The following C6 variants were observed in gnomAD, a reference collection of about 807,000 sequenced individuals.
The protein encoded by C6 is complement C6.
C6 carries 101 observed loss-of-function variants against 112.9 expected under a neutral mutation model. The ratio of observed to expected loss-of-function variants is 0.89; its 90% CI spans 0.76 to 1.06. The LOEUF (loss-of-function observed/expected upper bound fraction) is 1.06, where lower values mean the gene tolerates loss of function less well. Among genes scored for constraint, C6 ranks in the 50% least tolerant of loss-of-function variants. The probability of loss-of-function intolerance (pLI) is 0.00; values close to 1 mark genes in which losing one functional copy is unlikely to be tolerated. For synonymous variants in C6, 431 were observed against 384.1 expected (o/e 1.12, Z -1.43); for missense variants, 1,202 against 1,104.6 (o/e 1.09, Z -1.25).
rs1746314502 is a variant in C6 at position 41,150,787 on chromosome 5, T to C, written c.2291-762A>G. ...CTGTAGTCCCAGCTACTCAGGAGGC[T>C]GAGGCAAAAGAGTCACTTGAACCCG... is the stretch of plus-strand genomic sequence containing the variant. On this transcript the variant is annotated intron_variant, in intron 15 of 17. Transcript: ENST00000337836. Among the ~76,000 whole-genome samples, 4 of 151,536 alleles carry C rather than the reference T, an allele frequency of 2.6e-5. No homozygotes were observed. The South Asian group carries it at 8.3e-4, about 32-fold the overall frequency.
At chr5:41,199,233 T>G (rs1750828074) in intron 4 of C6, among the ~76,000 whole-genome samples, 1 of 152,218 alleles carries the variant, frequency 6.6e-6, no homozygotes, top group African/African-American at 2.4e-5. Flanking sequence ...TTCATTCATC[T>G]GAAATTTAAT....
chr5:41,177,477 G>C (rs1748950573), intron 7 of C6, among the ~76,000 whole-genome samples: 1 of 151,938 alleles, frequency 6.6e-6, no homozygotes, highest in Non-Finnish European at 1.5e-5. Context: ...AGGTTTATAA[G>C]TGTATTTATG....
intron 1 of C6, among the ~76,000 whole-genome samples, chr5:41,210,459 A>G (rs1480709928): frequency 6.6e-6 from 1 of 152,220 alleles, no homozygotes; most frequent in Admixed American, 6.5e-5. Flanking sequence ...AATTTTTGCA[A>G]TCTACCCATC....
chr5:41,251,145 T>C (rs1410596148), intron 1 of C6, among the ~76,000 whole-genome samples: 1 of 152,184 alleles, frequency 6.6e-6, no homozygotes, highest in Non-Finnish European at 1.5e-5. Flanking sequence ...TACATATTAT[T>C]CTCCTGCCTC....
intron 9 of C6, among the ~76,000 whole-genome samples, chr5:41,164,566 C>T (rs1015328561): frequency 1.3e-5 from 2 of 152,130 alleles, no homozygotes; most frequent in Admixed American, 6.6e-5. Flanking sequence ...CAATTGCATT[C>T]CCTAGAAACA....
chr5:41,224,980 T>C, intron 1 of C6, among the ~76,000 whole-genome samples: 1 of 152,212 alleles, frequency 6.6e-6, no homozygotes, highest in East Asian at 1.9e-4. Context: ...GTATCCTTGA[T>C]GGCTAATCAT....
intron 1 of C6, among the ~76,000 whole-genome samples, chr5:41,241,059 G>T (rs1580246938): frequency 6.6e-6 from 1 of 152,184 alleles, no homozygotes; most frequent in Non-Finnish European, 1.5e-5. Flanking sequence ...GCCAGGCCAG[G>T]TGTGCCTGTC....
At chr5:41,177,957 G>A (rs1748990380) in intron 7 of C6, among the ~76,000 whole-genome samples, 1 of 152,130 alleles carries the variant, frequency 6.6e-6, no homozygotes, top group Admixed American at 6.6e-5. Flanking sequence ...TTAATAAGAA[G>A]CACACTCACT....
At position 41,181,504 on chromosome 5, in the gene C6, A is replaced by T. The variant is rs1477456575; in HGVS notation, c.782T>A (p.Leu261His). 4.3e-6 allele frequency: 7 copies of T among 1,613,798 alleles called. No individual in the cohort carries two copies. Among genetic ancestry groups the T allele is most frequent in the Non-Finnish European group, 5.9e-6 (7 of 1,179,832 alleles). Reference sequence around the variant, plus strand: ...GCCTTGTTGATTTTCATTGTGTCCAAGAGAAGTTAAATCCTTGTAGAAATC... The same window carrying T: ...GCCTTGTTGATTTTCATTGTGTCCATGAGAAGTTAAATCCTTGTAGAAATC... ...KTDFYKDLTS[L>H]GHNENQQGSF... is the part of the protein sequence containing the mutation. The change falls in exon 7 of 18, where the codon CTT becomes CAT. Residue 261 changes from leucine (L) to histidine (H), a missense_variant. By Grantham distance (99) the Leu-to-His change is moderately conservative (BLOSUM62 -3). Coordinates refer to ENST00000337836, the MANE Select transcript of C6 (RefSeq NM_000065.5).
At chr5:41,190,390 T>A (rs1459888472) in intron 5 of C6, among the ~76,000 whole-genome samples, 1 of 152,206 alleles carries the variant, frequency 6.6e-6, no homozygotes, top group East Asian at 1.9e-4. Context: ...AATATATTTG[T>A]TGGGCTCCTT....
At position 41,172,327 on chromosome 5, in the gene C6, T is replaced by C. The variant is rs6896011; in HGVS notation, c.1189A>G (p.Lys397Glu). 2,556 of 1,613,672 alleles carry C rather than the reference T, an allele frequency of 1.6e-3. 27 individuals are homozygous for C. In the African/African-American group the frequency reaches 0.028, roughly 18 times the overall value. ...KNSGLTEEEA[K>E]HCVRIETKKR... Reference sequence around the variant, plus strand: ...TTTGTTTCAATCCTGACACAGTGTTTGGCTTCTTCCTCGGTTAAACCTAGG... The same window carrying C: ...TTTGTTTCAATCCTGACACAGTGTTCGGCTTCTTCCTCGGTTAAACCTAGG... Residue 397 changes from lysine to glutamate, a missense_variant, in exon 9 of 18, where the codon AAA becomes GAA. Transcript: ENST00000337836.
rs115928467 is a variant in C6 at position 41,227,003 on chromosome 5, C to A, written c.-20-23753G>T. On this transcript the variant is annotated intron_variant, in intron 1 of 17. Transcript: ENST00000263413. ...AGAGAATGCTGGATCATATGGATTT[C>A]TATTTTTAATCCTTTGAAGAACCTC... Among the ~76,000 whole-genome samples the A allele has an allele frequency of 3.4e-3, 514 of 152,160 alleles. 2 individuals carry two copies. The highest frequency in any genetic ancestry group is 0.012 in the African/African-American group (504 of 41,538).
intron 1 of C6, among the ~76,000 whole-genome samples, chr5:41,206,803 C>A (rs1751474225): frequency 1.3e-5 from 2 of 152,198 alleles, no homozygotes; most frequent in African/African-American, 4.8e-5. Flanking sequence ...AAACACTCTG[C>A]AGGATATTAT....
At chr5:41,208,595 C>T (rs1304726808) in intron 1 of C6, among the ~76,000 whole-genome samples, 3 of 152,184 alleles carry the variant, frequency 2.0e-5, no homozygotes, top group Non-Finnish European at 2.9e-5. Context: ...ATAAACACCT[C>T]TACACAAATA....
intron 17 of C6, among the ~76,000 whole-genome samples, chr5:41,145,623 C>T (rs1745747077): frequency 6.6e-6 from 1 of 152,172 alleles, no homozygotes. Flanking sequence ...GTAGGAGATA[C>T]TCATATGCAC....
intron 1 of C6, among the ~76,000 whole-genome samples, chr5:41,257,107 G>A (rs779874718): frequency 7.3e-5 from 11 of 151,642 alleles, no homozygotes; most frequent in South Asian, 4.2e-4. Context: ...ACGGGGGTTC[G>A]GTGTACAGAT....
intron 9 of C6, 94 bp from the exon 10 acceptor site, chr5:41,161,953 A>T: frequency 5.7e-6 from 7 of 1,223,272 alleles, no homozygotes; most frequent in Non-Finnish European, 6.0e-6. Flanking sequence ...CAGAAGGGAG[A>T]AGTAGATGGT....
intron 1 of C6, among the ~76,000 whole-genome samples, chr5:41,245,310 A>G (rs28603337): frequency 3.9e-5 from 6 of 152,228 alleles, no homozygotes; most frequent in African/African-American, 1.4e-4. Flanking sequence ...TGGGCAGATC[A>G]CCTGAGGTCA....
intron 1 of C6, among the ~76,000 whole-genome samples, chr5:41,254,279 G>C (rs1044934666): frequency 6.6e-6 from 1 of 152,052 alleles, no homozygotes; most frequent in Non-Finnish European, 1.5e-5. Context: ...GGTGATGGGC[G>C]CCTGTAGTCC....
Sources: allele counts gnomAD v4.1 joint callset (sites outside exome capture counted in the v4.1 genomes callset), GRCh38; gene constraint gnomAD v4.1.1; transcripts MANE v1.5; gene names NCBI Gene and HGNC (gene_info 2026-07-23, HGNC 2026-07-21).